Variants in SLIT2 observed in about 807,000 individuals in gnomAD.
The protein encoded by SLIT2 is slit guidance ligand 2, also known as slit homolog 2 protein.
SLIT2 carries 41 observed loss-of-function variants against 185.7 expected under a neutral mutation model. That is an observed-to-expected ratio of 0.22 (90% CI 0.17 to 0.29). The LOEUF (loss-of-function observed/expected upper bound fraction) is 0.29, where lower values mean the gene tolerates loss of function less well. Ranked by LOEUF, SLIT2 falls within the 10% of genes least tolerant of loss-of-function variation. The pLI, the probability that SLIT2 is intolerant of heterozygous loss-of-function variation, is 1.00. For synonymous variants in SLIT2, 693 were observed against 680.2 expected, an observed-to-expected ratio of 1.02 and a Z score of -0.29; for missense variants, 1,571 against 1,909.0, an observed-to-expected ratio of 0.82 and a Z score of 3.30.
rs1723973738 is a variant in SLIT2 at position 20,375,872 on chromosome 4, A to G, written c.396-91880A>G. Among the ~76,000 whole-genome samples the G allele has an allele frequency of 2.6e-5, 4 of 152,036 alleles. No homozygotes were observed. In the South Asian group the frequency reaches 8.3e-4, roughly 31 times the overall value. On this transcript the variant is annotated intron_variant, in intron 4 of 36. Coordinates refer to ENST00000504154, the MANE Select transcript of SLIT2 (RefSeq NM_004787.4). ...AAAATATTTTATATCACTGTTCTTC[A>G]AATATTGAAGCATCAGGATCCCTTT...
chr4:20,549,840 C>T (rs1723584919), intron 24 of SLIT2, among the ~76,000 whole-genome samples: 1 of 151,738 alleles, frequency 6.6e-6, no homozygotes. Context: ...GTGGGAGGAA[C>T]CAGAACTGAT....
chr4:20,560,113 A>G (rs2148903509), intron 26 of SLIT2, among the ~76,000 whole-genome samples: 1 of 152,048 alleles, frequency 6.6e-6, no homozygotes, highest in Admixed American at 6.6e-5. Flanking sequence ...ATTTTAACTT[A>G]ACTTTCCCTC....
chr4:20,327,330 T>A (rs1719676803), intron 4 of SLIT2, among the ~76,000 whole-genome samples: 1 of 152,036 alleles, frequency 6.6e-6, no homozygotes, highest in Non-Finnish European at 1.5e-5. Flanking sequence ...CTAATTTAGT[T>A]CAGTTATAAA....
At chr4:20,335,441 C>T (rs1443418439) in intron 4 of SLIT2, among the ~76,000 whole-genome samples, 1 of 152,154 alleles carries the variant, frequency 6.6e-6, no homozygotes, top group Non-Finnish European at 1.5e-5. Context: ...TAAATGATTA[C>T]CTTTTTGATA....
intron 4 of SLIT2, among the ~76,000 whole-genome samples, chr4:20,289,237 AAATGG>A (rs1389673441): frequency 6.6e-6 from 1 of 152,194 alleles, no homozygotes; most frequent in African/African-American, 2.4e-5. Flanking sequence ...TTTGTGAATA[AAATGG>A]AACCTCTTAG....
chr4:20,324,941 AT>A (rs1719432560), intron 4 of SLIT2, among the ~76,000 whole-genome samples: 1 of 152,028 alleles, frequency 6.6e-6, no homozygotes. Flanking sequence ...CGTTAATTAT[AT>A]TTTGCTTTTT....
chr4:20,519,022 C>T (rs1209575042), intron 11 of SLIT2, among the ~76,000 whole-genome samples: 1 of 152,158 alleles, frequency 6.6e-6, no homozygotes, highest in Admixed American at 6.5e-5. Context: ...TGATTCTACA[C>T]TTAGCATTCT....
chr4:20,311,933 A>G (rs931892433), intron 4 of SLIT2, among the ~76,000 whole-genome samples: 10 of 152,198 alleles, frequency 6.6e-5, no homozygotes, highest in Admixed American at 4.6e-4. Context: ...TGAATTGTTT[A>G]CTGCTGTAAG....
At position 20,383,570 on chromosome 4, in the gene SLIT2, G is replaced by T. The variant is rs995053628; in HGVS notation, c.396-84182G>T. 8.5e-5 allele frequency among the ~76,000 whole-genome samples: 13 copies of T among 152,130 alleles called. No individual in the cohort carries two copies. In the East Asian group the frequency reaches 1.5e-3, roughly 18 times the overall value. The stretch of plus-strand genomic sequence containing the variant: ...CTTAAAAAGACTTCCAGTCCCCAGG[G>T]TTAGCAACCATGTGAAACAACTGGA... On this transcript the variant is annotated intron_variant, in intron 4 of 36. Transcript: ENST00000504154.
chr4:20,459,413 A>G (rs1005522977), intron 4 of SLIT2, among the ~76,000 whole-genome samples: 1 of 152,216 alleles, frequency 6.6e-6, no homozygotes, highest in African/African-American at 2.4e-5. Context: ...GAATGAGAAA[A>G]TAGGAGTGAG....
At chr4:20,588,998 G>A (rs1210081692) in intron 29 of SLIT2, among the ~76,000 whole-genome samples, 5 of 152,170 alleles carry the variant, frequency 3.3e-5, no homozygotes, top group Non-Finnish European at 7.3e-5. Context: ...AGGAAACCAA[G>A]TGTTTTTCTT....
intron 4 of SLIT2, among the ~76,000 whole-genome samples, chr4:20,429,972 AT>A (rs1311491500): frequency 6.6e-6 from 1 of 152,162 alleles, no homozygotes; most frequent in African/African-American, 2.4e-5. Context: ...AACAAATTAT[AT>A]TTTCATTTAG....
intron 4 of SLIT2, among the ~76,000 whole-genome samples, chr4:20,306,684 T>C (rs1176672310): frequency 6.6e-6 from 1 of 152,208 alleles, no homozygotes; most frequent in Non-Finnish European, 1.5e-5. Flanking sequence ...TTTTTATTCA[T>C]GGAGAAATCT....
At chr4:20,579,301 G>GA (rs574131534) in intron 29 of SLIT2, among the ~76,000 whole-genome samples, 213 of 128,936 alleles carry the variant, frequency 1.7e-3, no homozygotes, top group Admixed American at 3.5e-3. Flanking sequence ...TCCGTCTAGG[G>GA]AAAAAAAAAA....
chr4:20,417,655 G>T (rs1230284797), intron 4 of SLIT2, among the ~76,000 whole-genome samples: 1 of 151,582 alleles, frequency 6.6e-6, no homozygotes, highest in Non-Finnish European at 1.5e-5. Context: ...CCGAGTAGCT[G>T]GGACTATAGG....
intron 31 of SLIT2, 26 bp downstream of exon 31, chr4:20,595,860 A>C (rs776157643): frequency 6.2e-6 from 10 of 1,602,728 alleles, no homozygotes. Flanking sequence ...AATAAGACCT[A>C]GTGTTCAATA....
chr4:20,591,469 A>G (rs1487023385), intron 30 of SLIT2, among the ~76,000 whole-genome samples: 1 of 152,112 alleles, frequency 6.6e-6, no homozygotes, highest in Non-Finnish European at 1.5e-5. Context: ...ATATGTAGGT[A>G]CAGTTGTAGC....
rs1443464704 is a variant in SLIT2, at chr4:20,596,663, A to ATC, written c.3561+16_3561+17dup. On this transcript the variant is annotated intron_variant, in intron 32 of 36. Coordinates refer to ENST00000504154, the MANE Select transcript of SLIT2 (RefSeq NM_004787.4). ...ACGAACATAACACTTCAGGTAAGAG[A>ATC]TCTCTCTCTATGGAGAGATGATCGG... 8.1e-6 allele frequency: 13 copies of ATC among 1,609,156 alleles called. No individual in the cohort carries two copies. Among genetic ancestry groups the ATC allele is most frequent in the Non-Finnish European group, 1.1e-5 (13 of 1,179,278 alleles).
At chr4:20,526,795 T>C (rs1721335075) in intron 15 of SLIT2, among the ~76,000 whole-genome samples, 1 of 152,202 alleles carries the variant, frequency 6.6e-6, no homozygotes, top group Non-Finnish European at 1.5e-5. Flanking sequence ...AAAGGATCAT[T>C]TGGGCTTCCT....
Sources: gnomAD v4.1 joint callset for allele counts (sites outside exome capture counted in the v4.1 genomes callset) on GRCh38, gnomAD v4.1.1 for gene constraint, MANE v1.5 for transcripts, NCBI Gene and HGNC (gene_info 2026-07-23, HGNC 2026-07-21) for gene names.